Variants in VPS13B observed in about 807,000 individuals in gnomAD.
VPS13B encodes intermembrane lipid transfer protein VPS13B.
VPS13B carries 285 observed loss-of-function variants against 426.4 expected under a neutral mutation model. The ratio of observed to expected loss-of-function variants is 0.67; its 90% CI spans 0.61 to 0.74. VPS13B has a LOEUF of 0.74. Among genes scored for constraint, VPS13B ranks in the 30% least tolerant of loss-of-function variants. The pLI is 0.00. For synonymous variants in VPS13B, 1,676 were observed against 1,676.4 expected, an observed-to-expected ratio of 1.00 and a Z score of 0.01; for missense variants, 4,537 against 4,782.6, an observed-to-expected ratio of 0.95 and a Z score of 1.51.
At chr8:99,136,586 T>C in intron 11 of VPS13B, 79 bp from the exon 12 acceptor site, 1 of 1,323,488 alleles carries the variant, frequency 7.6e-7, no homozygotes, top group South Asian at 1.2e-5. Flanking sequence ...TATAAAGATA[T>C]GTGTCTAACC....
intron 27 of VPS13B, among the ~76,000 whole-genome samples, chr8:99,506,276 A>G (rs1024113775): frequency 1.3e-5 from 2 of 152,164 alleles, no homozygotes; most frequent in African/African-American, 4.8e-5. Flanking sequence ...TTAAACAGTG[A>G]CTTATTAATT....
chr8:99,028,300 T>A (rs62532621), intron 2 of VPS13B, among the ~76,000 whole-genome samples: 4 of 147,208 alleles, frequency 2.7e-5, no homozygotes, highest in African/African-American at 7.5e-5. Context: ...CGGGCAGAGG[T>A]GCCCCTCACC....
intron 31 of VPS13B, 56 bp from the exon 32 acceptor site, chr8:99,575,602 G>A (rs1825739462): frequency 1.2e-6 from 2 of 1,606,928 alleles, no homozygotes; most frequent in East Asian, 2.2e-5. Context: ...CAAATTTAAT[G>A]AAAATTGTCT....
chr8:99,324,846 C>T (rs1044751490), intron 19 of VPS13B, among the ~76,000 whole-genome samples: 1 of 152,024 alleles, frequency 6.6e-6, no homozygotes, highest in East Asian at 1.9e-4. Context: ...TAGATTACAT[C>T]TAGTTACAAA....
chr8:99,488,808 A>C (rs1403727196), intron 25 of VPS13B, among the ~76,000 whole-genome samples: 2 of 152,178 alleles, frequency 1.3e-5, no homozygotes, highest in African/African-American at 4.8e-5. Flanking sequence ...GGTAGATTGC[A>C]GAAATTTTCT....
chr8:99,418,507 CT>C lies in VPS13B; in HGVS notation c.3083-13027del, dbSNP rs1816182484. Among the ~76,000 whole-genome samples the C allele has an allele frequency of 2.4e-5, 3 of 126,210 alleles. No homozygotes were observed. The East Asian group carries it at 7.0e-4, about 29-fold the overall frequency. The allele number at this position is 126,210 out of a possible 152,430, so 82.8% of individuals were successfully genotyped here. On this transcript the variant is annotated intron_variant, in intron 21 of 61. Transcript: ENST00000357162. ...TCTTTCTTTCTTTCTTTCTTTCTTT[CT>C]TTCTTTCCTTTCTTTCTTTCTCTTT...
At chr8:99,229,309 C>A (rs1226111675) in intron 17 of VPS13B, among the ~76,000 whole-genome samples, 3 of 152,190 alleles carry the variant, frequency 2.0e-5, no homozygotes, top group Admixed American at 2.0e-4. Flanking sequence ...CAGGCATTGG[C>A]TCTGGGCTTC....
At chr8:99,186,818 G>C (rs1025209579) in intron 16 of VPS13B, among the ~76,000 whole-genome samples, 1 of 152,076 alleles carries the variant, frequency 6.6e-6, no homozygotes, top group Non-Finnish European at 1.5e-5. Context: ...TAATTAAGGA[G>C]AGAATTTTTC....
chr8:99,437,397 T>A (rs1817436689), intron 22 of VPS13B, among the ~76,000 whole-genome samples: 1 of 148,304 alleles, frequency 6.7e-6, no homozygotes, highest in Admixed American at 6.6e-5. Flanking sequence ...TGGACAGTCT[T>A]TTTTTTTAAA....
chr8:99,722,508 C>CT (rs796198914), intron 39 of VPS13B, among the ~76,000 whole-genome samples: 4,802 of 138,934 alleles, frequency 0.035, 112 homozygotes, highest in Non-Finnish European at 0.05. Context: ...TATGTAATTC[C>CT]TTTTTTTTTT....
At chr8:99,162,660 C>G (rs888901865) in intron 15 of VPS13B, among the ~76,000 whole-genome samples, 1 of 151,852 alleles carries the variant, frequency 6.6e-6, no homozygotes, top group Non-Finnish European at 1.5e-5. Flanking sequence ...TCGTTCCTCC[C>G]GGTGGGCTCA....
chr8:99,817,721 G>C lies in VPS13B; in HGVS notation c.8279G>C (p.Cys2760Ser). 6.2e-7 allele frequency: 1 copy of C among 1,614,100 alleles called. No homozygotes were observed. Among genetic ancestry groups the C allele is most frequent in the Non-Finnish European group, 8.5e-7 (1 of 1,179,994 alleles). Reference protein sequence around the residue: ...ILENNELTELCVKAKGDEDWS... With the variant: ...ILENNELTELSVKAKGDEDWS... ...GAAAACAATGAACTGACGGAGCTGT[G>C]TGTGAAGGCCAAAGGAGATGAAGAC... The change falls in exon 45 of 62, where the codon TGT (cysteine) becomes TCT (serine). Residue 2760 changes from cysteine (C) to serine (S), a missense_variant. Physicochemically the swap from Cys to Ser is moderately radical, Grantham distance 112. Around this residue, in one of 2 missense-constraint regions of VPS13B, gnomAD observed 4,311 missense variants for 4,474.3 expected, o/e 0.96. Coordinates refer to ENST00000357162, the MANE Select transcript of VPS13B (RefSeq NM_152564.5).
At chr8:99,412,362 C>T (rs1815726409) in intron 21 of VPS13B, among the ~76,000 whole-genome samples, 2 of 152,160 alleles carry the variant, frequency 1.3e-5, no homozygotes, top group African/African-American at 4.8e-5. Context: ...CATGATTTGG[C>T]TCTCTGTTTG....
At chr8:99,838,938 G>T (rs149626709) in intron 54 of VPS13B, among the ~76,000 whole-genome samples, 1 of 152,240 alleles carries the variant, frequency 6.6e-6, no homozygotes, top group Non-Finnish European at 1.5e-5. Flanking sequence ...ATGCCAGTGC[G>T]GCTGTAGCGC....
At chr8:99,063,940 T>A (rs1844335431) in intron 3 of VPS13B, among the ~76,000 whole-genome samples, 9 of 152,198 alleles carry the variant, frequency 5.9e-5, no homozygotes, top group Admixed American at 5.9e-4. Flanking sequence ...TCGCTGGTGA[T>A]ACCCAGGTGA....
At chr8:99,484,096 A>G (rs1820179839) in intron 25 of VPS13B, among the ~76,000 whole-genome samples, 2 of 152,164 alleles carry the variant, frequency 1.3e-5, no homozygotes, top group East Asian at 1.9e-4. Context: ...ATGAATAACA[A>G]TTTTGTTTTA....
intron 23 of VPS13B, among the ~76,000 whole-genome samples, chr8:99,461,747 T>C (rs1818842770): frequency 1.3e-5 from 2 of 152,152 alleles, no homozygotes; most frequent in South Asian, 4.1e-4. Context: ...TTACACTTTT[T>C]CAGAAAGGCC....
intron 17 of VPS13B, among the ~76,000 whole-genome samples, chr8:99,270,527 A>C (rs1272041508): frequency 6.6e-6 from 1 of 152,158 alleles, no homozygotes; most frequent in Non-Finnish European, 1.5e-5. Context: ...CTTATTATTT[A>C]TGATTCAAGG....
Position 99,703,068 on chromosome 8 carries a change from G to T in VPS13B, c.6454+3136G>T, listed in dbSNP as rs571539337. ...AAAGGAAATAATATGATCAAAAGTG[G>T]TAAGTTAATTTTCTCCCCCGGGCAT... is the stretch of plus-strand genomic sequence containing the variant. On this transcript the variant is annotated intron_variant, in intron 36 of 61. Coordinates refer to ENST00000357162, the MANE Select transcript of VPS13B (RefSeq NM_152564.5). Among the ~76,000 whole-genome samples the T allele has an allele frequency of 5.3e-5, 8 of 152,192 alleles. No homozygotes were observed. In the East Asian group the frequency reaches 7.7e-4, roughly 15 times the overall value.
Sources: allele counts gnomAD v4.1 joint callset (sites outside exome capture counted in the v4.1 genomes callset), GRCh38; gene constraint gnomAD v4.1.1; regional missense constraint gnomAD v4.1.1; transcripts MANE v1.5; gene names NCBI Gene and HGNC (gene_info 2026-07-23, HGNC 2026-07-21).